The following SPIRE1 variants were observed in gnomAD, a reference collection of about 807,000 sequenced individuals.
SPIRE1 encodes protein spire homolog 1.
SPIRE1 carries 40 observed loss-of-function variants against 94.1 expected under a neutral mutation model. That is an observed-to-expected ratio of 0.43 (90% CI 0.33 to 0.55). The LOEUF is 0.55. SPIRE1 is among the 20% of genes least tolerant of loss of function. The probability of loss-of-function intolerance (pLI) is 0.06; values close to 1 mark genes in which losing one functional copy is unlikely to be tolerated. For synonymous variants in SPIRE1, 376 were observed against 371.7 expected (o/e 1.01, Z -0.13); for missense variants, 838 against 975.2 (o/e 0.86, Z 1.87).
At chr18:12,617,344 A>G (rs892673405) in intron 2 of SPIRE1, among the ~76,000 whole-genome samples, 2 of 151,766 alleles carry the variant, frequency 1.3e-5, no homozygotes, top group African/African-American at 4.8e-5. Context: ...CCTCCCAAGT[A>G]GCTGGGATTA....
At chr18:12,486,165 T>C (rs905034983) in intron 8 of SPIRE1, among the ~76,000 whole-genome samples, 165 bp from the exon 9 acceptor site, 9 of 152,160 alleles carry the variant, frequency 5.9e-5, no homozygotes, top group African/African-American at 1.9e-4. Flanking sequence ...ATTAAAACCA[T>C]GCAAGAGTCT....
chr18:12,449,842 G>T lies in SPIRE1; in HGVS notation c.2067C>A (p.Pro689=). 6.2e-7 allele frequency: 1 copy of T among 1,614,060 alleles called. No homozygotes were observed. Among genetic ancestry groups the T allele is most frequent in the Non-Finnish European group, 8.5e-7 (1 of 1,180,028 alleles). ...TGCTCCAGTCCTCCATCAACTCTTTGGGAAACTGGAGTTCTTCATCTGATT... is the reference window on the plus strand; with the variant it reads ...TGCTCCAGTCCTCCATCAACTCTTTTGGAAACTGGAGTTCTTCATCTGATT... ...MDKSDEELQF[P]KELMEDWSTM... The change falls in exon 17 of 17, where the codon CCC becomes CCA. Residue 689 remains proline, a synonymous_variant. Transcript: ENST00000409402.
intron 2 of SPIRE1, among the ~76,000 whole-genome samples, chr18:12,596,987 C>T (rs1040834010): frequency 2.0e-5 from 3 of 147,004 alleles, no homozygotes; most frequent in African/African-American, 7.6e-5. Flanking sequence ...GCCCAAAAGC[C>T]TGCTCCAGTC....
At chr18:12,656,965 G>A (rs779582336) in intron 1 of SPIRE1, among the ~76,000 whole-genome samples, 6 of 152,224 alleles carry the variant, frequency 3.9e-5, no homozygotes, top group Non-Finnish European at 7.3e-5. Context: ...TCCCCAAAGA[G>A]CAGAATTCTC....
chr18:12,584,998 G>A (rs2036355067), intron 2 of SPIRE1, among the ~76,000 whole-genome samples: 1 of 152,058 alleles, frequency 6.6e-6, no homozygotes, highest in African/African-American at 2.4e-5. Context: ...TAGAGATGGG[G>A]TTTCACCATG....
chr18:12,453,068 CT>C lies in SPIRE1; in HGVS notation c.1846del (p.Arg616GlyfsTer38), dbSNP rs1231578842. The C allele has an allele frequency of 6.4e-7, 1 of 1,566,056 alleles. No individual in the cohort carries two copies. ...TWSYTCQFCK[R>X]PVCSQCCKKM... Reference sequence around the variant, plus strand: ...TTTCATCAATTACAAAATACCTTACCTCTTACAGAACTGACAGGTATAAGAC... The same window carrying C: ...TTTCATCAATTACAAAATACCTTACCCTTACAGAACTGACAGGTATAAGAC... On this transcript the variant is annotated frameshift_variant and splice_region_variant, in exon 14 of 17. Transcript: ENST00000409402. LOFTEE classifies it high-confidence loss of function.
Position 12,657,521 on chromosome 18 carries a change from C to G in SPIRE1, c.337+9G>C, listed in dbSNP as rs1382031629. ...AGAACTACGAGGGAAAGGGGCCCGGCGGCCTCACCCGCAACTGGGGGCGGC... is the reference window on the plus strand; with the variant it reads ...AGAACTACGAGGGAAAGGGGCCCGGGGGCCTCACCCGCAACTGGGGGCGGC... On this transcript the variant is annotated intron_variant, in intron 1 of 16. Coordinates refer to ENST00000409402, the MANE Select transcript of SPIRE1 (RefSeq NM_001128626.2). 1 of 1,230,084 alleles carries G rather than the reference C, an allele frequency of 8.1e-7. No homozygotes were observed. The highest frequency in any genetic ancestry group is 3.2e-5 in the East Asian group (1 of 31,122). 76.2% of individuals were successfully genotyped at this position (1,230,084 alleles called of 1,614,324 possible).
chr18:12,492,012 T>C (rs898299535), intron 8 of SPIRE1, among the ~76,000 whole-genome samples: 2 of 152,204 alleles, frequency 1.3e-5, no homozygotes, highest in African/African-American at 4.8e-5. Flanking sequence ...TGAGTTCACT[T>C]GTGGAAATAT....
intron 3 of SPIRE1, among the ~76,000 whole-genome samples, chr18:12,536,371 G>A (rs1162505598): frequency 6.6e-6 from 1 of 152,146 alleles, no homozygotes; most frequent in Non-Finnish European, 1.5e-5. Context: ...AAAAGAAACT[G>A]AGGCTAAGAG....
intron 10 of SPIRE1, among the ~76,000 whole-genome samples, chr18:12,471,846 A>G (rs943523149): frequency 2.0e-5 from 3 of 152,042 alleles, no homozygotes; most frequent in Non-Finnish European, 4.4e-5. Context: ...GTGCAATGAC[A>G]CAATCTCGGC....
intron 16 of SPIRE1, among the ~76,000 whole-genome samples, chr18:12,451,667 C>A (rs1449814848): frequency 6.6e-6 from 1 of 152,206 alleles, no homozygotes; most frequent in Admixed American, 6.5e-5. Flanking sequence ...TAGATCAAAG[C>A]CCAGCCTCTC....
At chr18:12,517,882 G>C (rs9963155) in intron 4 of SPIRE1, among the ~76,000 whole-genome samples, 1,728 of 152,136 alleles carry the variant, frequency 0.011, 39 homozygotes, top group African/African-American at 0.04. Flanking sequence ...TATTTTTTAT[G>C]ACAGCATTTT....
intron 9 of SPIRE1, 32 bp downstream of exon 9, chr18:12,485,927 G>A (rs1163717304): frequency 1.1e-5 from 17 of 1,502,930 alleles, no homozygotes; most frequent in African/African-American, 7.0e-5. Flanking sequence ...CAAAACCCAC[G>A]TCAGGTGTAA....
At chr18:12,470,058 C>T (rs181187912) in intron 10 of SPIRE1, among the ~76,000 whole-genome samples, 1 of 152,126 alleles carries the variant, frequency 6.6e-6, no homozygotes, top group Admixed American at 6.6e-5. Context: ...CTTCCCATCT[C>T]AACCTTCCAA....
chr18:12,514,183 C>T (rs1045152176), intron 4 of SPIRE1, among the ~76,000 whole-genome samples: 1 of 152,188 alleles, frequency 6.6e-6, no homozygotes, highest in African/African-American at 2.4e-5. Context: ...ATGGTATGCA[C>T]ACTGGCTGCC....
intron 10 of SPIRE1, among the ~76,000 whole-genome samples, chr18:12,473,274 T>C (rs2032433641): frequency 6.6e-6 from 1 of 151,656 alleles, no homozygotes; most frequent in African/African-American, 2.4e-5. Context: ...GCTACACAAA[T>C]GTGCATTCTT....
chr18:12,526,056 TACACACAC>T lies in SPIRE1; in HGVS notation c.729+9412_729+9419del, dbSNP rs56263373. On this transcript the variant is annotated intron_variant, in intron 4 of 16. Coordinates refer to ENST00000409402, the MANE Select transcript of SPIRE1 (RefSeq NM_001128626.2). ...CAGTCTAGGGTCAGAATACTGAAGA[TACACACAC>T]ACACACACACACACACACACACACA... Among the ~76,000 whole-genome samples, 12 of 122,684 alleles carry T rather than the reference TACACACAC, an allele frequency of 9.8e-5. No homozygotes were observed. In the South Asian group the frequency reaches 1.0e-3, roughly 10 times the overall value. The allele number at this position is 122,684 out of a possible 152,430, so 80.5% of individuals were successfully genotyped here.
At chr18:12,529,061 G>A (rs1250422155) in intron 4 of SPIRE1, among the ~76,000 whole-genome samples, 6 of 152,066 alleles carry the variant, frequency 3.9e-5, no homozygotes, top group Non-Finnish European at 8.8e-5. Flanking sequence ...GAGATAATAG[G>A]GCAACGCGAT....
intron 2 of SPIRE1, among the ~76,000 whole-genome samples, chr18:12,616,771 T>C (rs2037318926): frequency 1.3e-5 from 2 of 152,250 alleles, no homozygotes; most frequent in African/African-American, 4.8e-5. Flanking sequence ...GGTTCTGTCA[T>C]CTTATTCAGC....
Sources: gnomAD v4.1 joint callset for allele counts (sites outside exome capture counted in the v4.1 genomes callset) on GRCh38, gnomAD v4.1.1 for gene constraint, MANE v1.5 for transcripts, NCBI Gene and HGNC (gene_info 2026-07-23, HGNC 2026-07-21) for gene names.